The following RGS3 variants were observed in gnomAD, a reference collection of about 807,000 sequenced individuals.
The protein encoded by RGS3 is regulator of G protein signaling 3, also known as regulator of G-protein signalling 3.
In RGS3, 80 loss-of-function variants were observed where a neutral mutation model predicts 132.6. The ratio of observed to expected loss-of-function variants is 0.60; its 90% CI spans 0.50 to 0.73. The LOEUF (loss-of-function observed/expected upper bound fraction) is 0.73. RGS3 is among the 30% of genes least tolerant of loss of function. RGS3 has a pLI of 0.00. For missense variants in RGS3, 1,382 were observed against 1,530.8 expected (o/e 0.90, Z 1.62); for synonymous variants, 598 against 620.6 (o/e 0.96, Z 0.54).
intron 16 of RGS3, among the ~76,000 whole-genome samples, 179 bp downstream of exon 14, chr9:113,517,803 C>T (rs776866100): frequency 9.2e-5 from 14 of 152,162 alleles, no homozygotes; most frequent in Non-Finnish European, 1.8e-4. Flanking sequence ...TTTTCTTGTA[C>T]ATCTCCTTTC....
At chr9:113,472,957 T>G (rs144307412) in intron 3 of RGS3, among the ~76,000 whole-genome samples, 2,221 of 152,196 alleles carry the variant, frequency 0.015, 60 homozygotes, top group African/African-American at 0.051. Context: ...AGGAGAATAA[T>G]TTGAACCTGG....
chr9:113,467,594 G>A (rs1404924227), intron 3 of RGS3, among the ~76,000 whole-genome samples: 1 of 152,038 alleles, frequency 6.6e-6, no homozygotes, highest in Non-Finnish European at 1.5e-5. Context: ...TTATTATTGA[G>A]TTGTAAGATT....
rs1554779122 is a variant in RGS3, at chr9:113,565,913, G to GTC, written c.2038-17536_2038-17535insCT. Among the ~76,000 whole-genome samples, 535 of 144,504 alleles carry GTC rather than the reference G, an allele frequency of 3.7e-3. No homozygotes were observed. Among genetic ancestry groups the GTC allele is most frequent in the African/African-American group, 0.011 (421 of 38,546 alleles). 94.8% of individuals were successfully genotyped at this position (144,504 alleles called of 152,430 possible). A position where few individuals can be genotyped will look rare whatever the true frequency, so the allele number is the denominator to read the frequency against. On this transcript the variant is annotated intron_variant, in intron 19 of 24. Transcript: ENST00000350696. The surrounding 1 kb of genome is among the most constrained non-coding windows in gnomAD (Gnocchi z 5.7). ...TGTGTGTGTGTGTGTGTGTGTGTGTGTGTCTGTCTGTCTGTCTGTCTCAGG... is the reference window on the plus strand; with the variant it reads ...TGTGTGTGTGTGTGTGTGTGTGTGTGTCTGTCTGTCTGTCTGTCTGTCTCAGG...
In RGS3 at chr9:113,508,592, G is replaced by A; in HGVS notation, c.1477+12G>A. ...TACCATCCCCGAAGGTGAGTCTCCT[G>A]CTGCTGCTGTGCCCTCCTAGCTCAG... On this transcript the variant is annotated intron_variant, in intron 14 of 24. Coordinates refer to ENST00000350696, the Ensembl canonical transcript of RGS3. The A allele has an allele frequency of 6.2e-7, 1 of 1,609,350 alleles. No homozygotes were observed. Among genetic ancestry groups the A allele is most frequent in the African/African-American group, 1.3e-5 (1 of 74,994 alleles).
chr9:113,571,563 G>A (rs1348010178), intron 19 of RGS3, among the ~76,000 whole-genome samples: 1 of 151,564 alleles, frequency 6.6e-6, no homozygotes, highest in African/African-American at 2.4e-5. Flanking sequence ...TTTCCTATTG[G>A]ATTTTTTTTT....
chr9:113,477,150 C>T (rs571896976), intron 3 of RGS3, among the ~76,000 whole-genome samples: 7 of 152,108 alleles, frequency 4.6e-5, no homozygotes, highest in South Asian at 4.1e-4. Flanking sequence ...TCAGTTCTCC[C>T]GGCGCCTTTC....
At chr9:113,470,610 C>T (rs1409246450) in intron 3 of RGS3, among the ~76,000 whole-genome samples, 1 of 152,114 alleles carries the variant, frequency 6.6e-6, no homozygotes, top group Non-Finnish European at 1.5e-5. Flanking sequence ...CTTTTTCCAT[C>T]CTTTTTCTTT....
chr9:113,449,548 A>C (rs1014372412), intron 1 of RGS3, among the ~76,000 whole-genome samples: 1 of 152,082 alleles, frequency 6.6e-6, no homozygotes, highest in African/African-American at 2.4e-5. Context: ...CAGTTCTTCC[A>C]CTCTGAAAAT....
intron 10 of RGS3, chr9:113,501,601 A>C: frequency 6.4e-7 from 1 of 1,560,828 alleles, no homozygotes; most frequent in Non-Finnish European, 8.6e-7. Flanking sequence ...TGGGCTCTGC[A>C]AGGTGTGCTC....
chr9:113,449,079 A>G (rs940733945), intron 1 of RGS3, among the ~76,000 whole-genome samples: 1 of 152,234 alleles, frequency 6.6e-6, no homozygotes, highest in African/African-American at 2.4e-5. Context: ...GAAGACATTG[A>G]TGGCTTCTGA....
At position 113,591,255 on chromosome 9, in the gene RGS3, T is replaced by C; in HGVS notation, c.3016-78T>C. ...GGAAGGGGCTGGTGGCAGGGAATGT[T>C]GGGTCTCTGAGCCTCTGTTTACTTA... On this transcript the variant is annotated intron_variant, in intron 20 of 24. Coordinates refer to ENST00000350696, the Ensembl canonical transcript of RGS3. This position sits in a 1 kb window ranked among gnomAD's most constrained non-coding sequence, Gnocchi z 4.4. 1 of 1,313,798 alleles carries C rather than the reference T, an allele frequency of 7.6e-7. No homozygotes were observed. Among genetic ancestry groups the C allele is most frequent in the Non-Finnish European group, 1.1e-6 (1 of 916,836 alleles). 81.4% of individuals were successfully genotyped at this position (1,313,798 alleles called of 1,614,324 possible).
chr9:113,518,670 C>T (rs1276372584), intron 16 of RGS3, among the ~76,000 whole-genome samples: 2 of 152,152 alleles, frequency 1.3e-5, no homozygotes, highest in African/African-American at 4.8e-5. Context: ...CTGCATGCTC[C>T]CTTCCACCGC....
chr9:113,582,347 A>C (rs1834864910), intron 19 of RGS3: 1 of 403,292 alleles, frequency 2.5e-6, no homozygotes, highest in Non-Finnish European at 3.4e-6. Flanking sequence ...CTTACCCCTG[A>C]AGTTTTCTGC....
At chr9:113,522,819 G>C in intron 16 of RGS3, 111 bp from the exon 15 acceptor site, 1 of 760,210 alleles carries the variant, frequency 1.3e-6, no homozygotes, top group Non-Finnish European at 2.4e-6. Flanking sequence ...GAGATGATGA[G>C]GATGCATTAT....
chr9:113,474,957 ATCTGTGGTTCTC>A (rs1829947058), intron 3 of RGS3, among the ~76,000 whole-genome samples: 1 of 152,118 alleles, frequency 6.6e-6, no homozygotes, highest in Non-Finnish European at 1.5e-5. Flanking sequence ...GTTAGAGTTC[ATCTGTGGTTCTC>A]TACTGAGTAT....
At position 113,569,635 on chromosome 9, in the gene RGS3, TTCCTTCCC is replaced by T. The variant is rs1299713452; in HGVS notation, c.2038-13807_2038-13800del. Among the ~76,000 whole-genome samples, 5 of 146,594 alleles carry T rather than the reference TTCCTTCCC, an allele frequency of 3.4e-5. No individual in the cohort carries two copies. The East Asian group carries it at 6.0e-4, about 18-fold the overall frequency. ...CTTCCTTCCTTCCTTCCTTCCTTCC[TTCCTTCCC>T]TCCTTCCTTCCATGTGTGTTAAGCA... On this transcript the variant is annotated intron_variant, in intron 19 of 24. Coordinates refer to ENST00000350696, the Ensembl canonical transcript of RGS3.
rs944223744 is a variant in RGS3, at chr9:113,537,851, C to T, written c.2037+933C>T. The stretch of plus-strand genomic sequence containing the variant: ...CAGGAGGTAGGGAAGAGGCAGTTGG[C>T]AGCCTCTTCTGAGGGCCAGAGGTGG... On this transcript the variant is annotated intron_variant, in intron 19 of 24. Transcript: ENST00000350696. The surrounding 1 kb of genome is among the most constrained non-coding windows in gnomAD (Gnocchi z 4.3). Among the ~76,000 whole-genome samples the T allele has an allele frequency of 5.9e-5, 9 of 152,168 alleles. No individual in the cohort carries two copies. The highest frequency in any genetic ancestry group is 1.3e-4 in the Non-Finnish European group (9 of 68,020).
At chr9:113,492,568 T>G (rs551244151) in intron 7 of RGS3, among the ~76,000 whole-genome samples, 1 of 152,368 alleles carries the variant, frequency 6.6e-6, no homozygotes, top group Admixed American at 6.5e-5. Flanking sequence ...AAGCCTTCAC[T>G]AAGTGCACCA....
chr9:113,453,082 A>C (rs1829291106), intron 1 of RGS3, among the ~76,000 whole-genome samples: 1 of 135,396 alleles, frequency 7.4e-6, no homozygotes, highest in Non-Finnish European at 1.5e-5. Context: ...TATTTATATA[A>C]TATAGAAATA....
Sources: gnomAD v4.1 joint callset for allele counts (sites outside exome capture counted in the v4.1 genomes callset) on GRCh38, gnomAD v4.1.1 for gene constraint, Gnocchi (gnomAD v3.1) non-coding constraint, MANE v1.5 for transcripts, NCBI Gene and HGNC (gene_info 2026-07-23, HGNC 2026-07-21) for gene names.